Variants in ANK3 observed in about 807,000 individuals in gnomAD.
ANK3 encodes ankyrin 3.
A neutral mutation model predicts 370.9 loss-of-function variants in ANK3; 57 were observed. The ratio of observed to expected loss-of-function variants is 0.15; its 90% CI spans 0.12 to 0.19. ANK3 has a LOEUF of 0.19. Among genes scored for constraint, ANK3 ranks in the 10% least tolerant of loss-of-function variants. The pLI, the probability that ANK3 is intolerant of heterozygous loss-of-function variation, is 1.00. For synonymous variants in ANK3, 1,929 were observed against 1,946.3 expected (o/e 0.99, Z 0.23); for missense variants, 4,439 against 5,302.1 (o/e 0.84, Z 5.06).
At chr10:60,042,915 CCA>C in intron 42 of ANK3, 156 bp from the exon 43 acceptor site, 3 of 1,457,852 alleles carry the variant, frequency 2.1e-6, no homozygotes, top group Non-Finnish European at 2.7e-6. Context: ...TTTAGCTTAA[CCA>C]CACAGTTTAG....
At chr10:60,080,340 A>T in intron 36 of ANK3, 197 bp downstream of exon 36, 1 of 531,000 alleles carries the variant, frequency 1.9e-6, no homozygotes, top group Non-Finnish European at 3.3e-6. Flanking sequence ...AACTGTTTTG[A>T]AGTATGAGCT....
At chr10:60,528,337 T>C (rs1555387298) in intron 2 of ANK3, among the ~76,000 whole-genome samples, 1 of 152,014 alleles carries the variant, frequency 6.6e-6, no homozygotes, top group Non-Finnish European at 1.5e-5. Flanking sequence ...TGTTTCTCCA[T>C]GTTGGCCAGG....
At chr10:60,440,112 C>CA (rs1414418954) in intron 2 of ANK3, among the ~76,000 whole-genome samples, 1 of 151,882 alleles carries the variant, frequency 6.6e-6, no homozygotes, top group African/African-American at 2.4e-5. Flanking sequence ...ACAATTCATG[C>CA]AAAAAATCAG....
intron 2 of ANK3, among the ~76,000 whole-genome samples, chr10:60,505,591 T>G (rs552422788): frequency 8.5e-5 from 13 of 152,210 alleles, no homozygotes; most frequent in Admixed American, 5.2e-4. Context: ...CAACCTTACA[T>G]TTACTGGCAT....
At position 60,290,689 on chromosome 10, in the gene ANK3, ATG is replaced by A. The variant is rs985634594; in HGVS notation, c.115-11052_115-11051del. On this transcript the variant is annotated intron_variant, in intron 1 of 43. Transcript: ENST00000280772. ...AAATGAGGTCACTGACCCCTAACAC[ATG>A]TTAGGCATGGTTAGCATCTTTACAC... Among the ~76,000 whole-genome samples, 3 of 151,518 alleles carry A rather than the reference ATG, an allele frequency of 2.0e-5. No homozygotes were observed. In the Admixed American group the frequency reaches 2.0e-4, roughly 10 times the overall value.
intron 1 of ANK3, among the ~76,000 whole-genome samples, chr10:60,674,868 C>T (rs2079105462): frequency 6.6e-6 from 1 of 152,038 alleles, no homozygotes; most frequent in Non-Finnish European, 1.5e-5. Flanking sequence ...TTTATCTTTA[C>T]AGTCAAGTTG....
intron 2 of ANK3, among the ~76,000 whole-genome samples, chr10:60,406,204 T>C (rs2063452836): frequency 6.6e-6 from 1 of 152,196 alleles, no homozygotes; most frequent in South Asian, 2.1e-4. Context: ...TCTGCTTTTG[T>C]AGCATGAAAA....
At chr10:60,622,036 T>C (rs1424527938) in intron 1 of ANK3, among the ~76,000 whole-genome samples, 1 of 152,136 alleles carries the variant, frequency 6.6e-6, no homozygotes, top group East Asian at 1.9e-4. Flanking sequence ...TCATTTATGA[T>C]GGAATAATGA....
chr10:60,453,232 C>T (rs997086494), intron 2 of ANK3, among the ~76,000 whole-genome samples: 11 of 152,126 alleles, frequency 7.2e-5, no homozygotes, highest in African/African-American at 2.7e-4. Flanking sequence ...ATGCAATCTA[C>T]AAAGTAGCTT....
chr10:60,058,454 G>C (rs1300127597), intron 41 of ANK3, among the ~76,000 whole-genome samples: 2 of 152,180 alleles, frequency 1.3e-5, no homozygotes, highest in Non-Finnish European at 2.9e-5. Context: ...AAAAAACTGT[G>C]TATCTTTCAA....
intron 26 of ANK3, among the ~76,000 whole-genome samples, chr10:60,111,120 G>A (rs923354571): frequency 1.3e-5 from 2 of 152,328 alleles, no homozygotes; most frequent in Admixed American, 6.5e-5. Context: ...GGATTGATGG[G>A]TGGATAGATA....
intron 1 of ANK3, chr10:60,300,493 A>G (rs1347735593): frequency 7.9e-7 from 1 of 1,262,890 alleles, no homozygotes; most frequent in Non-Finnish European, 1.0e-6. Flanking sequence ...GGTCAGAAGC[A>G]ACTAACTAGA....
intron 18 of ANK3, among the ~76,000 whole-genome samples, chr10:60,180,335 C>T (rs1009832701): frequency 2.1e-5 from 3 of 143,616 alleles, no homozygotes; most frequent in Non-Finnish European, 3.1e-5. Flanking sequence ...CGGGGGCTCA[C>T]GCCTGTAATC....
intron 7 of ANK3, among the ~76,000 whole-genome samples, chr10:60,253,297 C>T (rs2097693378): frequency 6.6e-6 from 1 of 152,054 alleles, no homozygotes; most frequent in Non-Finnish European, 1.5e-5. Context: ...AGGGACTTGC[C>T]CTGGACCACA....
At chr10:60,720,803 G>C (rs1449066056) in intron 1 of ANK3, among the ~76,000 whole-genome samples, 2 of 152,226 alleles carry the variant, frequency 1.3e-5, no homozygotes, top group African/African-American at 2.4e-5. Context: ...TGTAGAGATA[G>C]GGTTTTGCCA....
chr10:60,469,019 ACCACTTT>A (rs2065084378), intron 2 of ANK3, among the ~76,000 whole-genome samples: 9 of 61,880 alleles, frequency 1.5e-4, no homozygotes, highest in African/African-American at 1.6e-4. Context: ...ATATATATAT[ACCACTTT>A]TAGTGTATAT....
intron 27 of ANK3, 53 bp from the exon 28 acceptor site, chr10:60,106,112 T>C: frequency 6.8e-7 from 1 of 1,462,502 alleles, no homozygotes. Context: ...ATTTATAGTA[T>C]CATACTTAAA....
chr10:60,240,540 G>A (rs1592289758), intron 7 of ANK3, among the ~76,000 whole-genome samples: 1 of 151,806 alleles, frequency 6.6e-6, no homozygotes, highest in Admixed American at 6.6e-5. Flanking sequence ...CCAACCTCAG[G>A]TGATCCACCT....
In ANK3 at chr10:60,602,918, C is replaced by A. The variant is rs553713831; in HGVS notation, c.96+12268G>T. ...TTCAATAATGATTTCAATATAATTTCTTATATTTCATTTCACACATTTAAA... is the reference window on the plus strand; with the variant it reads ...TTCAATAATGATTTCAATATAATTTATTATATTTCATTTCACACATTTAAA... On this transcript the variant is annotated intron_variant, in intron 2 of 43. Transcript: ENST00000373827. 2.6e-5 allele frequency among the ~76,000 whole-genome samples: 4 copies of A among 152,040 alleles called. No homozygotes were observed. In the South Asian group the frequency reaches 8.3e-4, roughly 32 times the overall value.
Sources: allele counts gnomAD v4.1 joint callset (sites outside exome capture counted in the v4.1 genomes callset), GRCh38; gene constraint gnomAD v4.1.1; transcripts MANE v1.5; gene names NCBI Gene and HGNC (gene_info 2026-07-23, HGNC 2026-07-21).